HSPA12A: variants seen among roughly 807,000 people sequenced by gnomAD.
The protein encoded by HSPA12A is heat shock 70 kDa protein 12A.
In HSPA12A, 28 loss-of-function variants were observed where a neutral mutation model predicts 69.2. The observed-to-expected ratio is 0.40, with a 90% CI of 0.30 to 0.55. The LOEUF is 0.55. Among genes scored for constraint, HSPA12A ranks in the 20% least tolerant of loss-of-function variants. The probability of loss-of-function intolerance (pLI) is 0.38; values close to 1 mark genes in which losing one functional copy is unlikely to be tolerated. For missense variants in HSPA12A, 686 were observed against 900.7 expected, an observed-to-expected ratio of 0.76 and a Z score of 3.05; for synonymous variants, 345 against 370.5, an observed-to-expected ratio of 0.93 and a Z score of 0.79.
chr10:116,840,822 C>G (rs1010874674), intron 1 of HSPA12A, among the ~76,000 whole-genome samples: 1 of 152,106 alleles, frequency 6.6e-6, no homozygotes, highest in Non-Finnish European at 1.5e-5. Flanking sequence ...TGGTTGTGAC[C>G]TTTGGGAAGG....
intron 3 of HSPA12A, among the ~76,000 whole-genome samples, chr10:116,704,292 G>C (rs528319213): frequency 6.6e-6 from 1 of 152,320 alleles, no homozygotes; most frequent in East Asian, 1.9e-4. Context: ...AAAAAATGAT[G>C]AGTTCATGTC....
chr10:116,686,983 A>G lies in HSPA12A; in HGVS notation c.664-3021T>C, dbSNP rs1554879614. 6.6e-6 allele frequency among the ~76,000 whole-genome samples: 1 copy of G among 152,172 alleles called. No homozygotes were observed. The highest frequency in any genetic ancestry group is 1.5e-5 in the Non-Finnish European group (1 of 68,034). Reference sequence around the variant, plus strand: ...TCTGACTTAGATGGGAAATCTTTATATGGAAATTCAGATCCAGCAGTCTAG... The same window carrying G: ...TCTGACTTAGATGGGAAATCTTTATGTGGAAATTCAGATCCAGCAGTCTAG... On this transcript the variant is annotated intron_variant, in intron 6 of 11. Coordinates refer to ENST00000369209, the MANE Select transcript of HSPA12A (RefSeq NM_025015.3). This position sits in a 1 kb window ranked among gnomAD's most constrained non-coding sequence, Gnocchi z 4.1.
rs138838739 is a variant in HSPA12A, at chr10:116,690,455, G to T, written c.663+1896C>A. Reference sequence around the variant, plus strand: ...CCGCCCTCTTTAAATCCACTCAGCGGCTGTCAATGGAACAAAGCAAGTATC... The same window carrying T: ...CCGCCCTCTTTAAATCCACTCAGCGTCTGTCAATGGAACAAAGCAAGTATC... On this transcript the variant is annotated intron_variant, in intron 6 of 11. Coordinates refer to ENST00000369209, the MANE Select transcript of HSPA12A (RefSeq NM_025015.3). 4.0e-3 allele frequency among the ~76,000 whole-genome samples: 615 copies of T among 152,290 alleles called. 10 individuals are homozygous for T. The highest frequency in any genetic ancestry group is 3.7e-3 in the Non-Finnish European group (249 of 68,032).
chr10:116,818,768 T>A (rs2133194365), intron 2 of HSPA12A, among the ~76,000 whole-genome samples: 1 of 152,290 alleles, frequency 6.6e-6, no homozygotes, highest in East Asian at 1.9e-4. Flanking sequence ...GAGTATGTGA[T>A]CCCTAAATCA....
At chr10:116,787,982 G>C (rs903674489) in intron 2 of HSPA12A, among the ~76,000 whole-genome samples, 1 of 152,188 alleles carries the variant, frequency 6.6e-6, no homozygotes, top group African/African-American at 2.4e-5. Flanking sequence ...TCGGGGATAG[G>C]AGGGCTTCCA....
intron 1 of HSPA12A, among the ~76,000 whole-genome samples, chr10:116,735,751 C>T (rs1851296443): frequency 6.6e-6 from 1 of 151,830 alleles, no homozygotes; most frequent in Admixed American, 6.6e-5. Context: ...AATCTCAGCA[C>T]TCTGGGAGGC....
At chr10:116,730,854 G>A (rs1851128844) in intron 1 of HSPA12A, among the ~76,000 whole-genome samples, 1 of 152,248 alleles carries the variant, frequency 6.6e-6, no homozygotes, top group African/African-American at 2.4e-5. Context: ...AAGGGCCTCT[G>A]TACAGCCTAG....
chr10:116,810,282 A>C (rs760260730), intron 2 of HSPA12A, among the ~76,000 whole-genome samples: 2 of 152,004 alleles, frequency 1.3e-5, no homozygotes, highest in Non-Finnish European at 2.9e-5. Context: ...CCACCGTTTC[A>C]TTTTCAAGCA....
intron 9 of HSPA12A, 74 bp from the exon 10 acceptor site, chr10:116,679,835 G>T (rs1358448899): frequency 1.3e-6 from 2 of 1,521,276 alleles, no homozygotes; most frequent in Non-Finnish European, 1.8e-6. Context: ...TGAGAAACAG[G>T]CCCACCTGTT....
upstream of HSPA12A, among the ~76,000 whole-genome samples, chr10:116,746,124 T>C (rs769031899): frequency 3.9e-5 from 6 of 152,024 alleles, no homozygotes; most frequent in Non-Finnish European, 8.8e-5. Context: ...TTTCTCATCC[T>C]CTCCGGGATC....
At chr10:116,695,568 G>A (rs533806868) in intron 5 of HSPA12A, among the ~76,000 whole-genome samples, 1 of 152,226 alleles carries the variant, frequency 6.6e-6, no homozygotes, top group Admixed American at 6.5e-5. Flanking sequence ...TGTAATCCCA[G>A]CACTTTGGGA....
intron 2 of HSPA12A, among the ~76,000 whole-genome samples, chr10:116,798,806 T>TA (rs1448593206): frequency 6.6e-6 from 1 of 152,194 alleles, no homozygotes; most frequent in Non-Finnish European, 1.5e-5. Flanking sequence ...GGCCCACCTC[T>TA]TTGAACTGGA....
intron 2 of HSPA12A, among the ~76,000 whole-genome samples, chr10:116,781,793 G>A (rs782089637): frequency 3.3e-5 from 5 of 152,178 alleles, no homozygotes; most frequent in African/African-American, 4.8e-5. Context: ...TGGGTAGGGG[G>A]TGTCCTCCTT....
At chr10:116,823,923 A>C (rs1190926446) in intron 2 of HSPA12A, among the ~76,000 whole-genome samples, 1 of 152,216 alleles carries the variant, frequency 6.6e-6, no homozygotes, top group African/African-American at 2.4e-5. Context: ...ATAAAAATTA[A>C]AAACCTTCAT....
At chr10:116,748,658 A>C (rs546826871) in intron 2 of HSPA12A, among the ~76,000 whole-genome samples, 1 of 152,318 alleles carries the variant, frequency 6.6e-6, no homozygotes, top group South Asian at 2.1e-4. Context: ...GACAGTAAGA[A>C]GGAGCAAGTC....
At chr10:116,759,303 GGAGGT>G (rs1843920736) in intron 2 of HSPA12A, among the ~76,000 whole-genome samples, 1 of 152,196 alleles carries the variant, frequency 6.6e-6, no homozygotes, top group Non-Finnish European at 1.5e-5. Context: ...CTTGACCTCA[GGAGGT>G]CAGCAAAATG....
At position 116,681,725 on chromosome 10, in the gene HSPA12A, G is replaced by A. The variant is rs1429982837; in HGVS notation, c.922+66C>T. On this transcript the variant is annotated intron_variant, in intron 8 of 11. Transcript: ENST00000369209. ...TTCCAAAAGTGCAAAAGGGACAAATGGGAATGGCTTTTCACGAGCAGCACA... is the reference window on the plus strand; with the variant it reads ...TTCCAAAAGTGCAAAAGGGACAAATAGGAATGGCTTTTCACGAGCAGCACA... 1.6e-5 allele frequency: 23 copies of A among 1,427,146 alleles called. No individual in the cohort carries two copies. The East Asian group carries it at 5.2e-4, about 33-fold the overall frequency. 88.4% of individuals were successfully genotyped at this position (1,427,146 alleles called of 1,614,324 possible).
At chr10:116,776,021 C>T (rs1176653479) in intron 2 of HSPA12A, among the ~76,000 whole-genome samples, 1 of 152,212 alleles carries the variant, frequency 6.6e-6, no homozygotes, top group Non-Finnish European at 1.5e-5. Context: ...CCATCCTCTG[C>T]GTCCCCTCTG....
intron 1 of HSPA12A, among the ~76,000 whole-genome samples, chr10:116,841,492 C>T (rs1845799481): frequency 6.6e-6 from 1 of 152,072 alleles, no homozygotes; most frequent in African/African-American, 2.4e-5. Context: ...CATACATTAT[C>T]CCTTGTCAGC....
Sources: gnomAD v4.1 joint callset for allele counts (sites outside exome capture counted in the v4.1 genomes callset) on GRCh38, gnomAD v4.1.1 for gene constraint, Gnocchi (gnomAD v3.1) non-coding constraint, MANE v1.5 for transcripts, NCBI Gene and HGNC (gene_info 2026-07-23, HGNC 2026-07-21) for gene names.